Variants in ACTR3C observed in about 807,000 individuals in gnomAD.
ACTR3C encodes actin-related protein 3C.
Under a neutral mutation model 26.3 loss-of-function variants are expected in ACTR3C, and 18 were observed. The observed-to-expected ratio is 0.68, with a 90% confidence interval of 0.47 to 1.01. The LOEUF (loss-of-function observed/expected upper bound fraction) is 1.01, where lower values mean the gene tolerates loss of function less well. Among genes scored for constraint, ACTR3C ranks in the 50% least tolerant of loss-of-function variants. The pLI, the probability that ACTR3C is intolerant of heterozygous loss-of-function variation, is 0.00. For missense variants in ACTR3C, 184 were observed against 250.7 expected (o/e 0.73, Z 1.80); for synonymous variants, 55 against 94.5 (o/e 0.58, Z 2.42).
intron 1 of ACTR3C, among the ~76,000 whole-genome samples, chr7:150,308,390 C>T (rs892519472): frequency 6.6e-6 from 1 of 152,170 alleles, no homozygotes; most frequent in African/African-American, 2.4e-5. Flanking sequence ...GACAATGGTT[C>T]CAAGTGGCCA....
intron 1 of ACTR3C, chr7:150,322,959 G>C (rs1797706783): frequency 6.6e-6 from 1 of 152,384 alleles, no homozygotes; most frequent in African/African-American, 2.4e-5. Context: ...GGTCGCACTC[G>C]GGCGGTCAGC....
intron 6 of ACTR3C, among the ~76,000 whole-genome samples, chr7:150,271,108 C>A (rs192664808): frequency 7.2e-6 from 1 of 138,754 alleles, no homozygotes; most frequent in African/African-American, 3.2e-5. Context: ...GACTTGCCAT[C>A]TCCTAATAGA....
chr7:150,142,822 C>T, the ACTR3C span, among the ~76,000 whole-genome samples: 2 of 148,888 alleles, frequency 1.3e-5, no homozygotes, highest in Non-Finnish European at 3.0e-5. Context: ...AGCCACTACG[C>T]CTGGCTTTTT....
At chr7:150,229,824 C>G in the ACTR3C span, among the ~76,000 whole-genome samples, 1 of 151,602 alleles carries the variant, frequency 6.6e-6, no homozygotes, top group Non-Finnish European at 1.5e-5. Flanking sequence ...AAATGTTAAA[C>G]CAGTCATACA....
the ACTR3C span, among the ~76,000 whole-genome samples, chr7:149,917,444 T>C: frequency 1.3e-5 from 2 of 152,134 alleles, no homozygotes; most frequent in Non-Finnish European, 2.9e-5. Context: ...TCCTATCTTT[T>C]GACAGCAGTA....
the ACTR3C span, among the ~76,000 whole-genome samples, chr7:150,037,791 C>A: frequency 2.4e-5 from 1 of 42,494 alleles, no homozygotes; most frequent in Non-Finnish European, 6.2e-5. Context: ...CGATGGGGGT[C>A]CCCAGAGCCA....
At chr7:150,315,140 AT>A (rs1338693563) in intron 1 of ACTR3C, among the ~76,000 whole-genome samples, 1 of 147,628 alleles carries the variant, frequency 6.8e-6, no homozygotes, top group Non-Finnish European at 1.5e-5. Context: ...AATAAATAAT[AT>A]TTATTATTAT....
chr7:150,159,362 A>G, the ACTR3C span, among the ~76,000 whole-genome samples: 3 of 151,918 alleles, frequency 2.0e-5, no homozygotes, highest in East Asian at 3.9e-4. Context: ...TCCCTCCCCC[A>G]CAGCTTCCAG....
the ACTR3C span, among the ~76,000 whole-genome samples, chr7:150,138,237 G>A: frequency 1.3e-5 from 2 of 152,134 alleles, no homozygotes; most frequent in Non-Finnish European, 2.9e-5. Context: ...AACCAGAAAC[G>A]TCAATATTGA....
chr7:150,045,886 C>A, the ACTR3C span, among the ~76,000 whole-genome samples: 20 of 152,174 alleles, frequency 1.3e-4, no homozygotes, highest in African/African-American at 4.6e-4. Context: ...AATTTTAAGT[C>A]AGATTTAAGG....
the ACTR3C span, among the ~76,000 whole-genome samples, chr7:150,237,517 C>T: frequency 2.0e-5 from 3 of 151,976 alleles, no homozygotes; most frequent in African/African-American, 7.3e-5. Flanking sequence ...CCACACTGGT[C>T]ACTTGACTAA....
chr7:150,137,841 A>G, the ACTR3C span, among the ~76,000 whole-genome samples: 1 of 152,334 alleles, frequency 6.6e-6, no homozygotes, highest in South Asian at 2.1e-4. Context: ...GGAAATGAGA[A>G]ATTTCATGTT....
the ACTR3C span, among the ~76,000 whole-genome samples, chr7:150,012,317 C>CTTTTTTTTTTTTTTTTTTTTTTT: frequency 4.9e-4 from 64 of 131,256 alleles, 17 homozygotes; most frequent in African/African-American, 1.4e-3. Flanking sequence ...ATAAATGCAT[C>CTTTTTTTTTTTTTTTTTTTTTTT]TTTTTTTTTT....
chr7:150,161,186 C>T, the ACTR3C span, among the ~76,000 whole-genome samples: 1 of 117,016 alleles, frequency 8.5e-6, no homozygotes, highest in Admixed American at 9.0e-5. Context: ...CCAGATGAAA[C>T]GAGGGAGGAA....
the ACTR3C span, among the ~76,000 whole-genome samples, chr7:149,948,129 C>T: frequency 0.55 from 70,283 of 128,166 alleles, 18,488 homozygotes; most frequent in African/African-American, 0.6. Context: ...GCAATAAGAG[C>T]GATGGGGATG....
chr7:150,087,962 C>T, the ACTR3C span, among the ~76,000 whole-genome samples: 5 of 152,156 alleles, frequency 3.3e-5, no homozygotes, highest in African/African-American at 7.2e-5. Flanking sequence ...TTACAACAGC[C>T]ATTGTGAACT....
At chr7:150,095,694 G>A in the ACTR3C span, among the ~76,000 whole-genome samples, 2 of 149,556 alleles carry the variant, frequency 1.3e-5, 1 homozygote, top group African/African-American at 5.1e-5. Context: ...AAGACAGAAG[G>A]CAATGGCATC....
At chr7:150,177,051 G>A in the ACTR3C span, among the ~76,000 whole-genome samples, 2 of 150,370 alleles carry the variant, frequency 1.3e-5, no homozygotes, top group Non-Finnish European at 1.5e-5. Context: ...ATTATATATT[G>A]TCTCTAAGAT....
At chr7:150,297,606 C>T (rs1298291213) in intron 1 of ACTR3C, among the ~76,000 whole-genome samples, 7 of 152,232 alleles carry the variant, frequency 4.6e-5, no homozygotes, top group African/African-American at 1.4e-4. Flanking sequence ...AATCCCAGCA[C>T]TTTGGGAGGC....
Sources: gnomAD v4.1 joint callset for allele counts (sites outside exome capture counted in the v4.1 genomes callset) on GRCh38, gnomAD v4.1.1 for gene constraint, MANE v1.5 for transcripts, NCBI Gene and HGNC (gene_info 2026-07-23, HGNC 2026-07-21) for gene names.